Variants in GPA33 observed in about 807,000 individuals in gnomAD.
The protein encoded by GPA33 is cell surface A33 antigen.
Under a neutral mutation model 35.6 loss-of-function variants are expected in GPA33, and 27 were observed. That is an observed-to-expected ratio of 0.76 (90% CI 0.56 to 1.04). The LOEUF (loss-of-function observed/expected upper bound fraction) is 1.04, where lower values mean the gene tolerates loss of function less well. Among genes scored for constraint, GPA33 ranks in the 50% least tolerant of loss-of-function variants. GPA33 has a pLI of 0.00. For synonymous variants in GPA33, 176 were observed against 164.0 expected (o/e 1.07, Z -0.56); for missense variants, 428 against 411.9 (o/e 1.04, Z -0.34).
chr1:167,078,872 AT>A (rs1666873297), intron 1 of GPA33, among the ~76,000 whole-genome samples: 1 of 152,240 alleles, frequency 6.6e-6, no homozygotes, highest in African/African-American at 2.4e-5. Context: ...ATTAAGTGAC[AT>A]GAAATGGGTA....
intron 1 of GPA33, among the ~76,000 whole-genome samples, chr1:167,079,527 G>A (rs1246013363): frequency 6.6e-6 from 1 of 151,066 alleles, no homozygotes; most frequent in African/African-American, 2.4e-5. Flanking sequence ...TTGCACAAAT[G>A]TGGAAAATGT....
At chr1:167,083,610 T>A (rs72691505) in intron 1 of GPA33, among the ~76,000 whole-genome samples, 1,702 of 152,224 alleles carry the variant, frequency 0.011, 15 homozygotes, top group Non-Finnish European at 0.017. Flanking sequence ...TAGAAATAAA[T>A]GTAAAACCAC....
At position 167,063,245 on chromosome 1, in the gene GPA33, T is replaced by G. The variant is rs573542678; in HGVS notation, c.571+337A>C. ...GAGTTCAAGACCAGCCTGGCCAACA[T>G]GGTGAAACCCCGTCTCTACTAAAAA... On this transcript the variant is annotated intron_variant, in intron 4 of 6. Transcript: ENST00000367868. 2.0e-5 allele frequency among the ~76,000 whole-genome samples: 3 copies of G among 152,218 alleles called. No individual in the cohort carries two copies. In the East Asian group the frequency reaches 5.8e-4, roughly 30 times the overall value.
At chr1:167,055,366 A>G (rs1666218887) in intron 5 of GPA33, among the ~76,000 whole-genome samples, 1 of 152,152 alleles carries the variant, frequency 6.6e-6, no homozygotes, top group Non-Finnish European at 1.5e-5. Context: ...CAGCCCAGCC[A>G]GCTCTTTAAG....
intron 5 of GPA33, 69 bp from the exon 6 acceptor site, chr1:167,055,180 G>T (rs1666214032): frequency 2.6e-6 from 4 of 1,528,842 alleles, no homozygotes; most frequent in African/African-American, 1.4e-5. Context: ...CCCAGCCAGG[G>T]GAGCAGCAGC....
At chr1:167,076,565 G>A (rs1023884473) in intron 1 of GPA33, among the ~76,000 whole-genome samples, 19 of 152,162 alleles carry the variant, frequency 1.2e-4, no homozygotes, top group African/African-American at 4.1e-4. Context: ...CATTCGGGTT[G>A]TTCATACTTC....
chr1:167,056,847 A>ATG (rs1558002243), intron 4 of GPA33, among the ~76,000 whole-genome samples: 2 of 140,656 alleles, frequency 1.4e-5, no homozygotes, highest in Non-Finnish European at 1.5e-5. Context: ...GTGAGTGTGT[A>ATG]ATGTGTGTGG....
rs1157061477 is a variant in GPA33, at chr1:167,054,366, C to G, written c.928G>C (p.Gly310Arg). 6.2e-7 allele frequency: 1 copy of G among 1,614,020 alleles called. No homozygotes were observed. Among genetic ancestry groups the G allele is most frequent in the Non-Finnish European group, 8.5e-7 (1 of 1,180,026 alleles). Residue 310 changes from glycine to arginine, a missense_variant, in exon 7 of 7, where the codon GGG becomes CGG. By Grantham distance (125) the Gly-to-Arg change is moderately radical. Coordinates refer to ENST00000367868, the MANE Select transcript of GPA33 (RefSeq NM_005814.3). ...TCGAGGTGGTCCGGGGATTCACGCC[C>G]AGTGCTCCTCTGCTCTTCTTGCCTG... ...DYRQEEQRST[G>R]RESPDHLDQ
At chr1:167,082,298 A>C in intron 1 of GPA33, 1 of 456,238 alleles carries the variant, frequency 2.2e-6, no homozygotes, top group Non-Finnish European at 4.4e-6. Context: ...GTGTACTTTT[A>C]TTTCCCAAAT....
chr1:167,054,483 G>A lies in GPA33; in HGVS notation c.828-17C>T, dbSNP rs1666190256. ...TCCCGGTTCCTGCAGGGCAGCAGGGGACAGAGGGGAAGGATTTGCTCTCAG... is the reference window on the plus strand; with the variant it reads ...TCCCGGTTCCTGCAGGGCAGCAGGGAACAGAGGGGAAGGATTTGCTCTCAG... On this transcript the variant is annotated splice_polypyrimidine_tract_variant and intron_variant, in intron 6 of 6. Transcript: ENST00000367868. The A allele has an allele frequency of 1.2e-6, 2 of 1,613,924 alleles. No homozygotes were observed. The highest frequency in any genetic ancestry group is 1.7e-6 in the Non-Finnish European group (2 of 1,180,004).
At chr1:167,083,787 G>C (rs149949576) in intron 1 of GPA33, among the ~76,000 whole-genome samples, 1 of 152,094 alleles carries the variant, frequency 6.6e-6, no homozygotes, top group Non-Finnish European at 1.5e-5. Flanking sequence ...GTGGCAGAAG[G>C]CGAGGCATGT....
chr1:167,060,645 A>G (rs1666418947), intron 4 of GPA33, among the ~76,000 whole-genome samples: 1 of 152,186 alleles, frequency 6.6e-6, no homozygotes, highest in Admixed American at 6.5e-5. Flanking sequence ...CCTTTTGGAT[A>G]ATGAAAGAAC....
Position 167,069,221 on chromosome 1 carries a change from C to T in GPA33, c.199-83G>A, listed in dbSNP as rs555399644. 7 of 894,672 alleles carry T rather than the reference C, an allele frequency of 7.8e-6. No homozygotes were observed. In the South Asian group the frequency reaches 9.2e-5, roughly 12 times the overall value. The allele number at this position is 894,672 out of a possible 1,614,324, so 55.4% of individuals were successfully genotyped here. A position where few individuals can be genotyped will look rare whatever the true frequency, so the allele number is the denominator to read the frequency against. On this transcript the variant is annotated intron_variant, in intron 2 of 6. Transcript: ENST00000367868. ...CAGCCTGCCCTGACTACCCTCATCCCCCAGTTTCCAGGGCCCAGAAGCACA... is the reference window on the plus strand; with the variant it reads ...CAGCCTGCCCTGACTACCCTCATCCTCCAGTTTCCAGGGCCCAGAAGCACA...
chr1:167,063,082 C>T (rs1319110820), intron 4 of GPA33, among the ~76,000 whole-genome samples: 2 of 152,230 alleles, frequency 1.3e-5, no homozygotes, highest in Non-Finnish European at 2.9e-5. Context: ...ACGCGCTTTA[C>T]ATGAATCATT....
chr1:167,056,583 T>TG (rs1451201810), intron 4 of GPA33, among the ~76,000 whole-genome samples: 5 of 612 alleles, frequency 8.2e-3, no homozygotes, highest in East Asian at 0.042. Context: ...GTGGCATATG[T>TG]GTGGTATGTG....
At chr1:167,063,469 C>T (rs1666510920) in intron 4 of GPA33, 113 bp downstream of exon 4, 8 of 855,086 alleles carry the variant, frequency 9.4e-6, no homozygotes, top group Non-Finnish European at 1.5e-5. Context: ...GGTAGGGAAG[C>T]AAGCGGCCTT....
At chr1:167,089,905 T>A (rs113474953) in intron 1 of GPA33, among the ~76,000 whole-genome samples, 4 of 152,160 alleles carry the variant, frequency 2.6e-5, no homozygotes, top group South Asian at 2.1e-4. Flanking sequence ...GATCCACACA[T>A]CCTGGATTTT....
intron 2 of GPA33, among the ~76,000 whole-genome samples, chr1:167,070,982 G>A (rs1666705861): frequency 6.6e-6 from 1 of 152,176 alleles, no homozygotes. Flanking sequence ...TGGGGTATCT[G>A]GAGTGTCGGT....
intron 1 of GPA33, among the ~76,000 whole-genome samples, chr1:167,081,118 G>A (rs577901600): frequency 6.6e-6 from 1 of 152,282 alleles, no homozygotes; most frequent in African/African-American, 2.4e-5. Context: ...AAAAATTAAG[G>A]TTTATTAAGA....
Sources: gnomAD v4.1 joint callset for allele counts (sites outside exome capture counted in the v4.1 genomes callset) on GRCh38, gnomAD v4.1.1 for gene constraint, MANE v1.5 for transcripts, NCBI Gene and HGNC (gene_info 2026-07-23, HGNC 2026-07-21) for gene names.